The following RREB1 variants were observed in gnomAD, a reference collection of about 807,000 sequenced individuals.
RREB1 encodes ras-responsive element-binding protein 1.
In RREB1, 27 loss-of-function variants were observed where a neutral mutation model predicts 117.8. That is an observed-to-expected ratio of 0.23 (90% CI 0.17 to 0.32). RREB1 has a LOEUF of 0.32. RREB1 is among the 10% of genes least tolerant of loss of function. The pLI, the probability that RREB1 is intolerant of heterozygous loss-of-function variation, is 1.00. For synonymous variants in RREB1, 1,298 were observed against 1,026.7 expected, an observed-to-expected ratio of 1.26 and a Z score of -5.05; for missense variants, 2,577 against 2,378.2, an observed-to-expected ratio of 1.08 and a Z score of -1.74.
intron 4 of RREB1, chr6:7,185,323 A>G (rs1765029533): frequency 6.6e-6 from 1 of 152,242 alleles, no homozygotes. Context: ...TAATCCCAGC[A>G]CTTCGGGAAG....
intron 1 of RREB1, among the ~76,000 whole-genome samples, chr6:7,143,510 TAG>T (rs1018781128): frequency 3.9e-4 from 59 of 152,188 alleles, no homozygotes; most frequent in African/African-American, 1.4e-3. Context: ...AGTATTATCT[TAG>T]GTAGAGGTGT....
intron 1 of RREB1, among the ~76,000 whole-genome samples, chr6:7,122,392 A>T (rs1761718707): frequency 6.6e-6 from 1 of 152,210 alleles, no homozygotes; most frequent in Non-Finnish European, 1.5e-5. Context: ...CAGCCTCCTG[A>T]GTAGCTGGGA....
chr6:7,115,139 C>T (rs759121852), intron 1 of RREB1, among the ~76,000 whole-genome samples: 2 of 152,110 alleles, frequency 1.3e-5, no homozygotes, highest in Non-Finnish European at 2.9e-5. Flanking sequence ...GTTTCTGAGC[C>T]GGGTGCTCTG....
At chr6:7,176,153 C>T (rs1376418859) in intron 1 of RREB1, among the ~76,000 whole-genome samples, 8 of 152,152 alleles carry the variant, frequency 5.3e-5, no homozygotes, top group East Asian at 3.9e-4. Flanking sequence ...CTGAGCTAAA[C>T]GATCTGCTCA....
intron 1 of RREB1, among the ~76,000 whole-genome samples, chr6:7,130,662 G>T (rs1762116218): frequency 6.6e-6 from 1 of 151,570 alleles, no homozygotes; most frequent in African/African-American, 2.4e-5. Context: ...TGTCACCCAG[G>T]CTGGAGTGCC....
Position 7,251,746 on chromosome 6 carries a change from G to A in RREB1, c.*2778G>A, listed in dbSNP as rs1290168624. ...TGATTTCAGCCCATGCATTAAACAG[G>A]AAACAATAATAAATTTGTAGAATTC... On this transcript the variant is annotated 3_prime_UTR_variant, in exon 13 of 13. Coordinates refer to ENST00000379938, the MANE Select transcript of RREB1 (RefSeq NM_001003699.4). The A allele has an allele frequency of 6.6e-6, 1 of 152,072 alleles. No homozygotes were observed. Among genetic ancestry groups the A allele is most frequent in the Non-Finnish European group, 1.5e-5 (1 of 68,014 alleles). The allele number at this position is 152,072 out of a possible 1,614,324, so 9.4% of individuals were successfully genotyped here.
At chr6:7,209,756 A>G (rs1019408714) in intron 6 of RREB1, among the ~76,000 whole-genome samples, 2 of 152,158 alleles carry the variant, frequency 1.3e-5, no homozygotes, top group African/African-American at 4.8e-5. Context: ...AGCTAAAAAG[A>G]GAGCAGAACT....
chr6:7,221,919 T>C (rs1054850345), intron 8 of RREB1, among the ~76,000 whole-genome samples: 2 of 152,152 alleles, frequency 1.3e-5, no homozygotes, highest in Non-Finnish European at 2.9e-5. Context: ...TCCTGATTTC[T>C]TTTTTTCCCT....
intron 8 of RREB1, among the ~76,000 whole-genome samples, chr6:7,225,214 G>T (rs1333023337): frequency 6.6e-6 from 1 of 152,218 alleles, no homozygotes; most frequent in Non-Finnish European, 1.5e-5. Flanking sequence ...CTTAGCGGTG[G>T]TGAGGGTCAG....
At chr6:7,145,234 A>G (rs1762805551) in intron 1 of RREB1, among the ~76,000 whole-genome samples, 1 of 152,206 alleles carries the variant, frequency 6.6e-6, no homozygotes, top group Non-Finnish European at 1.5e-5. Context: ...GAGCAGGTTT[A>G]CATGTGTGGT....
At chr6:7,175,938 G>A (rs1764478831) in intron 1 of RREB1, among the ~76,000 whole-genome samples, 1 of 152,142 alleles carries the variant, frequency 6.6e-6, no homozygotes. Flanking sequence ...TATTTTTTGA[G>A]ACAAGGTCTG....
chr6:7,224,395 A>G (rs1767457147), intron 8 of RREB1, among the ~76,000 whole-genome samples: 1 of 152,136 alleles, frequency 6.6e-6, no homozygotes, highest in Non-Finnish European at 1.5e-5. Context: ...TCAGAGTTAG[A>G]TTTTCCCAAT....
At chr6:7,159,254 G>A (rs1225689439) in intron 1 of RREB1, among the ~76,000 whole-genome samples, 1 of 152,154 alleles carries the variant, frequency 6.6e-6, no homozygotes, top group Non-Finnish European at 1.5e-5. Flanking sequence ...TTGATAGGTT[G>A]TGGGCCATGT....
intron 1 of RREB1, among the ~76,000 whole-genome samples, chr6:7,154,527 A>G (rs554241421): frequency 3.9e-5 from 6 of 152,314 alleles, no homozygotes; most frequent in Non-Finnish European, 5.9e-5. Context: ...GCACTGAGGG[A>G]TGGTATCATG....
intron 3 of RREB1, 24 bp from the exon 4 acceptor site, chr6:7,181,846 A>T: frequency 6.5e-7 from 1 of 1,539,996 alleles, no homozygotes; most frequent in Non-Finnish European, 9.0e-7. Context: ...CCCCATGATC[A>T]CATCAGCAAT....
At chr6:7,107,774 A>AG (rs1177214565), upstream of RREB1, 3 of 152,422 alleles carry the variant, frequency 2.0e-5, no homozygotes, top group Non-Finnish European at 4.4e-5. Context: ...TCAGGGTGAG[A>AG]GGGGGAGAGC....
chr6:7,244,534 A>G (rs574889356), intron 11 of RREB1, among the ~76,000 whole-genome samples: 2 of 152,362 alleles, frequency 1.3e-5, no homozygotes, highest in African/African-American at 2.4e-5. Flanking sequence ...ACGAACATCT[A>G]GTTTTTCCTT....
intron 12 of RREB1, among the ~76,000 whole-genome samples, chr6:7,248,088 C>G (rs554834138): frequency 6.6e-6 from 1 of 152,228 alleles, no homozygotes; most frequent in Non-Finnish European, 1.5e-5. Flanking sequence ...GGAAAGCCCC[C>G]GCTGCACCAC....
intron 1 of RREB1, among the ~76,000 whole-genome samples, chr6:7,171,875 G>A (rs998647924): frequency 6.6e-6 from 1 of 152,108 alleles, no homozygotes. Flanking sequence ...GGTGTGCGAC[G>A]GGGCCAGAAG....
Sources: allele counts gnomAD v4.1 joint callset (sites outside exome capture counted in the v4.1 genomes callset), GRCh38; gene constraint gnomAD v4.1.1; transcripts MANE v1.5; gene names NCBI Gene and HGNC (gene_info 2026-07-23, HGNC 2026-07-21).